Variants in FGD3 observed in about 807,000 individuals in gnomAD.
FGD3 encodes FYVE, RhoGEF and PH domain-containing protein 3.
A neutral mutation model predicts 71.8 loss-of-function variants in FGD3; 45 were observed. The observed-to-expected ratio is 0.63, with a 90% CI of 0.49 to 0.80. FGD3 has a LOEUF of 0.80. Among genes scored for constraint, FGD3 ranks in the 30% least tolerant of loss-of-function variants. The probability of loss-of-function intolerance (pLI) is 0.00; values close to 1 mark genes in which losing one functional copy is unlikely to be tolerated. For synonymous variants in FGD3, 378 were observed against 392.8 expected (o/e 0.96, Z 0.44); for missense variants, 844 against 951.5 (o/e 0.89, Z 1.49).
At chr9:92,976,855 T>A in intron 3 of FGD3, 146 bp downstream of exon 3, 1 of 972,110 alleles carries the variant, frequency 1.0e-6, no homozygotes, top group Non-Finnish European at 1.5e-6. Context: ...GGTCCTGGGA[T>A]GCAGTCTGCC....
At chr9:92,952,636 G>A (rs1396434214) in intron 1 of FGD3, among the ~76,000 whole-genome samples, 4 of 151,926 alleles carry the variant, frequency 2.6e-5, no homozygotes, top group Non-Finnish European at 4.4e-5. Flanking sequence ...AGCAAGTGTG[G>A]CTCAAATCTC....
chr9:92,978,746 TC>T (rs1271705842), intron 3 of FGD3, among the ~76,000 whole-genome samples: 1 of 12,530 alleles, frequency 8.0e-5, no homozygotes, highest in Non-Finnish European at 1.4e-4. Context: ...CCCTCCCCCA[TC>T]CCCCCTCCAC....
intron 11 of FGD3, among the ~76,000 whole-genome samples, chr9:93,019,502 C>T (rs1034403795): frequency 1.3e-5 from 2 of 152,230 alleles, no homozygotes; most frequent in Non-Finnish European, 2.9e-5. Context: ...TGTTGTCACA[C>T]TACCCTTTAA....
Position 93,035,918 on chromosome 9 carries a change from T to G in FGD3, c.*329T>G. ...AGGCAGAAAGAGGCAGCATGGGCAC[T>G]GCCAGGGACAGCCACATCCTGCTGG... On this transcript the variant is annotated 3_prime_UTR_variant, in exon 18 of 18. Coordinates refer to ENST00000375482, the MANE Select transcript of FGD3 (RefSeq NM_001083536.2). The G allele has an allele frequency of 3.3e-6, 1 of 300,224 alleles. No individual in the cohort carries two copies. Among genetic ancestry groups the G allele is most frequent in the Non-Finnish European group, 6.2e-6 (1 of 161,612 alleles). 18.6% of individuals were successfully genotyped at this position (300,224 alleles called of 1,614,324 possible).
Position 93,029,948 on chromosome 9 carries a change from C to G in FGD3, c.1632C>G (p.Thr544=), listed in dbSNP as rs1287679696. 5.6e-6 allele frequency: 9 copies of G among 1,613,376 alleles called. No homozygotes were observed. Among genetic ancestry groups the G allele is most frequent in the Non-Finnish European group, 7.6e-6 (9 of 1,179,710 alleles). The part of the protein sequence containing the change: ...EKQSCKSCGE[T]FNSITKRRHH... ...AGAGCTGTAAGAGCTGTGGTGAGAC[C>G]TTCAACTCCATCACCAAGAGGAGGC... is the stretch of plus-strand genomic sequence containing the variant. Residue 544 remains threonine, a synonymous_variant, in exon 15 of 18, where the codon ACC becomes ACG. Transcript: ENST00000375482.
chr9:92,965,246 G>A (rs190059815), intron 1 of FGD3, among the ~76,000 whole-genome samples: 24 of 152,326 alleles, frequency 1.6e-4, no homozygotes, highest in Non-Finnish European at 2.9e-4. Flanking sequence ...CTGTAGTTCG[G>A]GGCTGGACGT....
Position 92,969,588 on chromosome 9 carries a change from C to T in FGD3, c.-217-5650C>T, listed in dbSNP as rs372253890. 1.3e-5 allele frequency among the ~76,000 whole-genome samples: 2 copies of T among 152,320 alleles called. No homozygotes were observed. The highest frequency in any genetic ancestry group is 4.8e-5 in the African/African-American group (2 of 41,578). Reference sequence around the variant, plus strand: ...GCCGGGGGCCACTGGGCCACTCCAGCGACAGGACAAGGGAGGTCCCTGCCT... The same window carrying T: ...GCCGGGGGCCACTGGGCCACTCCAGTGACAGGACAAGGGAGGTCCCTGCCT... On this transcript the variant is annotated intron_variant, in intron 1 of 17. Coordinates refer to ENST00000375482, the MANE Select transcript of FGD3 (RefSeq NM_001083536.2). The surrounding 1 kb of genome is among the most constrained non-coding windows in gnomAD (Gnocchi z 4.5).
At chr9:93,012,066 A>G (rs1431463211) in intron 8 of FGD3, among the ~76,000 whole-genome samples, 1 of 150,286 alleles carries the variant, frequency 6.7e-6, no homozygotes, top group Non-Finnish European at 1.5e-5. Context: ...AGGCAGGAGA[A>G]TGGCATGAAC....
At chr9:92,993,236 A>G (rs1384729611) in intron 3 of FGD3, among the ~76,000 whole-genome samples, 1 of 151,864 alleles carries the variant, frequency 6.6e-6, no homozygotes, top group South Asian at 2.1e-4. Flanking sequence ...AGTAGGGGGG[A>G]CTGTAGGTGT....
intron 11 of FGD3, 144 bp downstream of exon 11, chr9:93,018,359 C>A (rs1861785582): frequency 2.8e-6 from 2 of 717,848 alleles, no homozygotes; most frequent in Admixed American, 2.9e-5. Context: ...CCGTCTATGT[C>A]CTGCGCTTGC....
chr9:92,995,211 T>A (rs1307138990), intron 3 of FGD3, among the ~76,000 whole-genome samples: 1 of 152,204 alleles, frequency 6.6e-6, no homozygotes, highest in Non-Finnish European at 1.5e-5. Flanking sequence ...GTTGGATTCC[T>A]AGGTATTTTA....
In FGD3 at chr9:92,976,326, C is replaced by T; in HGVS notation, c.70C>T (p.Pro24Ser). The change falls in exon 3 of 18, where the codon CCT becomes TCT. Residue 24 changes from proline to serine, a missense_variant. Physicochemically the swap from Pro to Ser is moderately conservative, Grantham distance 74. Coordinates refer to ENST00000375482, the MANE Select transcript of FGD3 (RefSeq NM_001083536.2). The part of the protein sequence containing the change: ...IAALGMPDTG[P>S]GSSSLGKLQA... The stretch of plus-strand genomic sequence containing the variant: ...TGCCCTAGGGATGCCAGACACTGGG[C>T]CTGGCAGTTCCTCCCTAGGGAAGCT... The T allele has an allele frequency of 6.2e-7, 1 of 1,610,266 alleles. No homozygotes were observed. The highest frequency in any genetic ancestry group is 1.1e-5 in the South Asian group (1 of 90,236).
At chr9:92,951,431 C>T (rs1011665595) in intron 1 of FGD3, among the ~76,000 whole-genome samples, 4 of 152,224 alleles carry the variant, frequency 2.6e-5, no homozygotes, top group African/African-American at 9.6e-5. Flanking sequence ...AATCCCAACA[C>T]TTTGAGAGGC....
At chr9:93,024,219 G>T (rs1440690367) in intron 14 of FGD3, among the ~76,000 whole-genome samples, 1 of 152,208 alleles carries the variant, frequency 6.6e-6, no homozygotes, top group Non-Finnish European at 1.5e-5. Context: ...GAAAAGCAAT[G>T]TGTACTCATA....
At chr9:93,019,289 A>G (rs1201756017) in intron 11 of FGD3, among the ~76,000 whole-genome samples, 1 of 152,232 alleles carries the variant, frequency 6.6e-6, no homozygotes, top group African/African-American at 2.4e-5. Context: ...CCATTCCTAA[A>G]GCAACACAAT....
chr9:93,003,072 A>G lies in FGD3; in HGVS notation c.543+58A>G, dbSNP rs546347417. ...TCTCTTAGCATTGGCTGGGCATTAT[A>G]GGTGCAGTGTGAATGACTTAAATAC... On this transcript the variant is annotated intron_variant, in intron 4 of 17. Coordinates refer to ENST00000375482, the MANE Select transcript of FGD3 (RefSeq NM_001083536.2). This position sits in a 1 kb window ranked among gnomAD's most constrained non-coding sequence, Gnocchi z 4.1. 3.3e-6 allele frequency: 5 copies of G among 1,496,344 alleles called. No homozygotes were observed. The highest frequency in any genetic ancestry group is 4.7e-6 in the Non-Finnish European group (5 of 1,073,902). 92.7% of individuals were successfully genotyped at this position (1,496,344 alleles called of 1,614,324 possible).
At chr9:93,027,594 C>T (rs10992588) in intron 14 of FGD3, among the ~76,000 whole-genome samples, 6,746 of 152,192 alleles carry the variant, frequency 0.044, 197 homozygotes, top group African/African-American at 0.067. Flanking sequence ...ATATTTTCAA[C>T]ATACGAATTT....
chr9:93,021,534 C>T (rs560874885), intron 13 of FGD3, among the ~76,000 whole-genome samples: 1 of 152,256 alleles, frequency 6.6e-6, no homozygotes, highest in South Asian at 2.1e-4. Context: ...AGGACATATC[C>T]AGGGAGGCAC....
At chr9:92,980,613 GC>G (rs1251776136) in intron 3 of FGD3, among the ~76,000 whole-genome samples, 5 of 151,244 alleles carry the variant, frequency 3.3e-5, no homozygotes, top group Non-Finnish European at 5.9e-5. Context: ...TCTTAGCACT[GC>G]TTTTACTGCA....
Sources: allele counts gnomAD v4.1 joint callset (sites outside exome capture counted in the v4.1 genomes callset), GRCh38; gene constraint gnomAD v4.1.1; non-coding constraint Gnocchi (gnomAD v3.1); transcripts MANE v1.5; gene names NCBI Gene and HGNC (gene_info 2026-07-23, HGNC 2026-07-21).